Variants in XPO4 observed in about 807,000 individuals in gnomAD.
XPO4 encodes exportin 4, also known as exportin-4.
XPO4 carries 39 observed loss-of-function variants against 143.0 expected under a neutral mutation model. That is an observed-to-expected ratio of 0.27 (90% CI 0.21 to 0.36). The LOEUF (loss-of-function observed/expected upper bound fraction) is 0.36. XPO4 is among the 10% of genes least tolerant of loss of function. The pLI is 1.00. For missense variants in XPO4, 907 were observed against 1,348.0 expected (o/e 0.67, Z 5.12); for synonymous variants, 439 against 474.0 (o/e 0.93, Z 0.96).
At chr13:20,853,231 A>C (rs1285929440) in intron 4 of XPO4, among the ~76,000 whole-genome samples, 1 of 149,876 alleles carries the variant, frequency 6.7e-6, no homozygotes, top group African/African-American at 2.5e-5. Context: ...TACTCAGGAG[A>C]GACTAAGGTG....
chr13:20,846,601 C>T (rs1045219238), intron 4 of XPO4, among the ~76,000 whole-genome samples: 1 of 152,136 alleles, frequency 6.6e-6, no homozygotes, highest in African/African-American at 2.4e-5. Flanking sequence ...CCCCTGAACA[C>T]GTAAGAATCT....
At chr13:20,789,172 T>C (rs2059244018) in intron 19 of XPO4, among the ~76,000 whole-genome samples, 1 of 152,194 alleles carries the variant, frequency 6.6e-6, no homozygotes, top group African/African-American at 2.4e-5. Context: ...GGCTTATTTG[T>C]TTAAACAAAC....
intron 13 of XPO4, among the ~76,000 whole-genome samples, chr13:20,801,198 G>C (rs1183686521): frequency 2.0e-5 from 3 of 152,204 alleles, no homozygotes; most frequent in African/African-American, 7.2e-5. Flanking sequence ...AGGAAAGGAA[G>C]AGTCAACACT....
intron 1 of XPO4, among the ~76,000 whole-genome samples, chr13:20,886,071 T>G (rs1464341395): frequency 6.6e-6 from 1 of 152,244 alleles, no homozygotes; most frequent in Admixed American, 6.5e-5. Flanking sequence ...AAGTATCTAA[T>G]GAATTTGATT....
intron 18 of XPO4, among the ~76,000 whole-genome samples, chr13:20,792,291 C>CA (rs2059293376): frequency 6.6e-6 from 1 of 152,026 alleles, no homozygotes; most frequent in Admixed American, 6.6e-5. Context: ...ACTAAAAATA[C>CA]AAAAAATTAG....
chr13:20,861,939 C>A (rs1296635957), intron 3 of XPO4, among the ~76,000 whole-genome samples: 1 of 151,976 alleles, frequency 6.6e-6, no homozygotes, highest in African/African-American at 2.4e-5. Flanking sequence ...GAGGCGTGTG[C>A]CACCACACCC....
rs1446644706 is a variant in XPO4 at position 20,902,015 on chromosome 13, G to T, written c.69+655C>A. The T allele has an allele frequency of 5.5e-6, 5 of 915,494 alleles. No individual in the cohort carries two copies. The South Asian group carries it at 2.0e-4, about 37-fold the overall frequency. The allele number at this position is 915,494 out of a possible 1,614,324, so 56.7% of individuals were successfully genotyped here. The stretch of plus-strand genomic sequence containing the variant: ...AAACTGCTTATTGTAGTGTAAGCAT[G>T]AAGTCAAAGAGTAGCATAGACTCAG... On this transcript the variant is annotated intron_variant, in intron 1 of 22. Coordinates refer to ENST00000255305, the MANE Select transcript of XPO4 (RefSeq NM_022459.5).
chr13:20,875,857 T>C (rs1412330785), intron 1 of XPO4, among the ~76,000 whole-genome samples: 5 of 152,138 alleles, frequency 3.3e-5, no homozygotes, highest in African/African-American at 9.7e-5. Context: ...AATTAATCTA[T>C]AACAAGTAAT....
intron 11 of XPO4, 141 bp downstream of exon 11, chr13:20,808,942 T>C: frequency 1.0e-6 from 1 of 953,670 alleles, no homozygotes; most frequent in South Asian, 1.8e-5. Flanking sequence ...AACGCAATCA[T>C]GAGTATGTTT....
chr13:20,882,109 C>CAAAAAAAAAA (rs35404161), intron 1 of XPO4, among the ~76,000 whole-genome samples: 4 of 93,348 alleles, frequency 4.3e-5, no homozygotes, highest in African/African-American at 1.9e-4. Context: ...GACTCGGTCT[C>CAAAAAAAAAA]AAAAAAAAAA....
At chr13:20,857,828 T>C (rs142688088) in intron 3 of XPO4, 3 of 985,200 alleles carry the variant, frequency 3.0e-6, no homozygotes, top group African/African-American at 1.7e-5. Flanking sequence ...AATCCCTTTC[T>C]TGACCACTAT....
intron 1 of XPO4, among the ~76,000 whole-genome samples, chr13:20,874,079 T>G (rs1217687964): frequency 6.6e-6 from 1 of 152,192 alleles, no homozygotes; most frequent in Non-Finnish European, 1.5e-5. Context: ...TGCATGACAT[T>G]AAAGCCCATG....
intron 6 of XPO4, among the ~76,000 whole-genome samples, chr13:20,831,786 A>G (rs556452278): frequency 2.7e-5 from 4 of 148,876 alleles, no homozygotes; most frequent in African/African-American, 9.9e-5. Flanking sequence ...TTAAAGAATC[A>G]GGACATTTAG....
In XPO4 at chr13:20,799,211, C is replaced by A; in HGVS notation, c.2276G>T (p.Gly759Val). ...RTLMKALVLG[G>V]FAHMDTETKQ... is the part of the protein sequence containing the mutation. The stretch of plus-strand genomic sequence containing the variant: ...GGTTTCTGTGTCCATATGTGCAAAA[C>A]CTCCTAAGACTAGAGCCTTCATCAA... Residue 759 changes from glycine to valine, a missense_variant, in exon 16 of 23, where the codon GGT (glycine) becomes GTT (valine). Gly to Val is a moderately radical substitution (Grantham distance 109). Coordinates refer to ENST00000255305, the MANE Select transcript of XPO4 (RefSeq NM_022459.5). 6.2e-7 allele frequency: 1 copy of A among 1,612,434 alleles called. No individual in the cohort carries two copies. The highest frequency in any genetic ancestry group is 8.5e-7 in the Non-Finnish European group (1 of 1,178,828).
intron 22 of XPO4, 37 bp downstream of exon 22, chr13:20,786,928 A>G: frequency 6.6e-7 from 1 of 1,512,282 alleles, no homozygotes; most frequent in South Asian, 1.3e-5. Flanking sequence ...GCAAAATAGA[A>G]TGAGAAGAGT....
At chr13:20,813,337 C>T (rs915066671) in intron 9 of XPO4, among the ~76,000 whole-genome samples, 2 of 152,092 alleles carry the variant, frequency 1.3e-5, no homozygotes, top group African/African-American at 4.8e-5. Flanking sequence ...AGACTTTCTA[C>T]AAATCAGTAA....
intron 4 of XPO4, chr13:20,848,407 T>C: frequency 1.0e-6 from 1 of 985,360 alleles, no homozygotes; most frequent in Non-Finnish European, 1.2e-6. Flanking sequence ...TCATCTACAG[T>C]AAGGGCTACC....
At chr13:20,787,366 G>A (rs1229129478) in intron 21 of XPO4, 115 bp downstream of exon 21, 9 of 979,674 alleles carry the variant, frequency 9.2e-6, no homozygotes, top group Non-Finnish European at 1.4e-5. Context: ...AGGAAGTCAT[G>A]GTTTCCTTGC....
At chr13:20,863,166 T>C (rs2060216621) in intron 2 of XPO4, 23 of 1,000,840 alleles carry the variant, frequency 2.3e-5, no homozygotes, top group Non-Finnish European at 2.8e-5. Flanking sequence ...AATAAAAATA[T>C]AAAGCAATCA....
Sources: allele counts gnomAD v4.1 joint callset (sites outside exome capture counted in the v4.1 genomes callset), GRCh38; gene constraint gnomAD v4.1.1; transcripts MANE v1.5; gene names NCBI Gene and HGNC (gene_info 2026-07-23, HGNC 2026-07-21).